CFAP47: variants seen among roughly 807,000 people sequenced by gnomAD.
CFAP47 encodes the protein cilia and flagella associated protein 47, also known as cilia- and flagella-associated protein 47.
A neutral mutation model predicts 148.1 loss-of-function variants in CFAP47; 29 were observed. That is an observed-to-expected ratio of 0.20 (90% CI 0.15 to 0.27). CFAP47 has a LOEUF of 0.27. CFAP47 is among the 10% of genes least tolerant of loss of function. CFAP47 has a pLI of 1.00. For missense variants in CFAP47, 1,872 were observed against 1,697.5 expected, an observed-to-expected ratio of 1.10 and a Z score of -1.81; for synonymous variants, 664 against 577.3, an observed-to-expected ratio of 1.15 and a Z score of -2.15.
At chrX:36,262,539 A>T (rs782415615) in intron 49 of CFAP47, among the ~76,000 whole-genome samples, 120 of 112,317 alleles carry the variant, frequency 1.1e-3, no homozygotes, top group Non-Finnish European at 1.9e-3. Flanking sequence ...ATTACAAATA[A>T]CAGGATCTCA....
intron 33 of CFAP47, among the ~76,000 whole-genome samples, chrX:36,116,132 T>C (rs753822666): frequency 5.1e-4 from 57 of 111,935 alleles, no homozygotes; most frequent in African/African-American, 1.7e-3. Context: ...TGCATACCAG[T>C]GGGGATTGGG....
At chrX:35,956,642 G>T (rs968856632) in intron 8 of CFAP47, among the ~76,000 whole-genome samples, 1 of 111,517 alleles carries the variant, frequency 9.0e-6, no homozygotes, top group Non-Finnish European at 1.9e-5. Context: ...TGAAACTGGT[G>T]ATATTTACCA....
At chrX:36,032,436 T>G (rs1937290935) in intron 23 of CFAP47, among the ~76,000 whole-genome samples, 1 of 110,903 alleles carries the variant, frequency 9.0e-6, no homozygotes, top group African/African-American at 3.3e-5. Context: ...ACTAAAGGTT[T>G]AAGGATTTTG....
chrX:36,113,818 CTT>C (rs747656047), intron 33 of CFAP47, among the ~76,000 whole-genome samples: 8 of 99,276 alleles, frequency 8.1e-5, no homozygotes, highest in African/African-American at 1.1e-4. Context: ...TCTTGTCTGT[CTT>C]TTTTTTTTTT....
chrX:36,008,923 G>A (rs1234582431), intron 21 of CFAP47, among the ~76,000 whole-genome samples: 1 of 111,346 alleles, frequency 9.0e-6, no homozygotes, highest in East Asian at 2.8e-4. Context: ...CCTGGTCACC[G>A]CCAGCTAGAC....
At chrX:36,046,403 T>C (rs1266272592) in intron 25 of CFAP47, among the ~76,000 whole-genome samples, 4 of 110,935 alleles carry the variant, frequency 3.6e-5, no homozygotes, top group Non-Finnish European at 7.6e-5. Flanking sequence ...TCATAATATA[T>C]GTATATATGC....
intron 57 of CFAP47, 103 bp downstream of exon 57, chrX:36,319,410 A>C (rs1941461028): frequency 3.1e-6 from 1 of 325,321 alleles, no homozygotes; most frequent in Admixed American, 6.8e-5. Flanking sequence ...ACACAAATTA[A>C]AAATATAATT....
intron 57 of CFAP47, among the ~76,000 whole-genome samples, chrX:36,333,431 C>T (rs1941580680): frequency 9.0e-6 from 1 of 110,950 alleles, no homozygotes; most frequent in African/African-American, 3.3e-5. Flanking sequence ...TTCCCACACA[C>T]TCACAATCCT....
rs1483016367 is a variant in CFAP47, at chrX:36,179,363, C to T, written c.6045C>T (p.Ser2015=). ...ATTCCAGTGTCATTTTGGTGGAATC[C>T]TCAACATTTGTCTCTTCGCCAACGA... is the stretch of plus-strand genomic sequence containing the variant. The part of the protein sequence containing the change: ...AGDFSVILVE[S]STFVSSPTKL... Residue 2015 remains serine, a synonymous_variant, in exon 40 of 64, where the codon TCC becomes TCT. Transcript: ENST00000378653. 3.4e-6 allele frequency: 1 copy of T among 294,862 alleles called. No homozygotes were observed. The highest frequency in any genetic ancestry group is 2.8e-5 in the African/African-American group (1 of 36,324). The allele number at this position is 294,862 out of a possible 1,213,427, so 24.3% of individuals were successfully genotyped here.
chrX:36,200,648 A>G (rs1343475617), intron 43 of CFAP47, among the ~76,000 whole-genome samples, 155 bp downstream of exon 43: 1 of 112,089 alleles, frequency 8.9e-6, no homozygotes, highest in East Asian at 2.8e-4. Context: ...TCCATGAAAT[A>G]GAGCAGCACC....
chrX:36,034,793 T>A (rs747580127), intron 23 of CFAP47, among the ~76,000 whole-genome samples: 1 of 110,629 alleles, frequency 9.0e-6, no homozygotes, highest in African/African-American at 3.3e-5. Flanking sequence ...TTCTCCAAGA[T>A]CCCCTAGTAC....
In CFAP47 at chrX:36,371,924, G is replaced by GTATATGTGTGTGTA. The variant is rs1941968353; in HGVS notation, c.9185+4802_9185+4803insGTGTGTGTATATAT. ...TGTGTATATATGTGTGTATATATGT[G>GTATATGTGTGTGTA]TATATACACACATGTGTATATGTGT... On this transcript the variant is annotated intron_variant, in intron 62 of 63. Transcript: ENST00000378653. Among the ~76,000 whole-genome samples, 76 of 59,319 alleles carry GTATATGTGTGTGTA rather than the reference G, an allele frequency of 1.3e-3. 1 individual carries two copies. The highest frequency in any genetic ancestry group is 4.0e-3 in the East Asian group (7 of 1,733). The allele number at this position is 59,319 out of a possible 115,157, so 51.5% of individuals were successfully genotyped here. A position where few individuals can be genotyped will look rare whatever the true frequency, so the allele number is the denominator to read the frequency against.
rs202056867 is a variant in CFAP47 at position 35,989,320 on chromosome X, C to T, written c.2715C>T (p.Gly905=). 14 of 1,186,013 alleles carry T rather than the reference C, an allele frequency of 1.2e-5. No homozygotes were observed. The part of the protein sequence containing the change: ...GIAFSICPAK[G]TVEAYSSLEC... ...ATTTTCTCTCTACATTTTCCGTAGG[C>T]ACTGTTGAAGCATATTCCTCACTGG... Residue 905 remains glycine (G), a splice_region_variant and synonymous_variant, in exon 16 of 64, where the codon GGC becomes GGT. Transcript: ENST00000378653.
chrX:36,038,327 T>C (rs972013444), intron 24 of CFAP47, among the ~76,000 whole-genome samples: 2 of 111,927 alleles, frequency 1.8e-5, no homozygotes, highest in Non-Finnish European at 3.8e-5. Flanking sequence ...CACACACTAT[T>C]CTTGGAGATT....
At position 36,054,214 on chromosome X, in the gene CFAP47, C is replaced by G. The variant is rs1166061762; in HGVS notation, c.4217+7151C>G. Reference sequence around the variant, plus strand: ...CCATCTCATCTTCCTCAGACCCACCCCCACTGTGGCTACCCAGTTTCTCAC... The same window carrying G: ...CCATCTCATCTTCCTCAGACCCACCGCCACTGTGGCTACCCAGTTTCTCAC... On this transcript the variant is annotated intron_variant, in intron 26 of 63. Coordinates refer to ENST00000378653, the MANE Select transcript of CFAP47 (RefSeq NM_001304548.2). 6.2e-5 allele frequency among the ~76,000 whole-genome samples: 7 copies of G among 112,017 alleles called. No homozygotes were observed. The East Asian group carries it at 2.0e-3, about 32-fold the overall frequency.
intron 49 of CFAP47, among the ~76,000 whole-genome samples, chrX:36,262,693 CTT>C (rs1174771872): frequency 4.5e-5 from 5 of 112,236 alleles, no homozygotes; most frequent in African/African-American, 1.6e-4. Context: ...GTAGCTATCT[CTT>C]TGATATATTG....
rs759757348 is a variant in CFAP47 at position 35,971,942 on chromosome X, A to C, written c.2231A>C (p.Lys744Thr). Residue 744 changes from lysine to threonine, a missense_variant, in exon 13 of 64, where the codon AAG (lysine) becomes ACG (threonine). Coordinates refer to ENST00000378653, the MANE Select transcript of CFAP47 (RefSeq NM_001304548.2). The stretch of plus-strand genomic sequence containing the variant: ...GATTGCAGCTTAATGTTGACACCAA[A>C]GCAAATTCATCAAGTAATTGTTGGT... ...KHDCSLMLTP[K>T]QIHQVIVGPS... 8 of 1,184,011 alleles carry C rather than the reference A, an allele frequency of 6.8e-6. No individual in the cohort carries two copies. The South Asian group carries it at 1.3e-4, about 19-fold the overall frequency.
chrX:36,211,515 AAC>A (rs1555989502), intron 45 of CFAP47: 1 of 301,448 alleles, frequency 3.3e-6, no homozygotes, highest in African/African-American at 2.8e-5. Context: ...AATGTGGAAT[AAC>A]ACTGCTGCAG....
chrX:36,002,246 G>GC (rs1432579408), intron 21 of CFAP47, among the ~76,000 whole-genome samples: 1 of 111,346 alleles, frequency 9.0e-6, no homozygotes, highest in Admixed American at 9.6e-5. Context: ...ACTCTAGCAG[G>GC]CTTTTGCTTC....
Sources: gnomAD v4.1 joint callset for allele counts (sites outside exome capture counted in the v4.1 genomes callset) on GRCh38, gnomAD v4.1.1 for gene constraint, MANE v1.5 for transcripts, NCBI Gene and HGNC (gene_info 2026-07-23, HGNC 2026-07-21) for gene names.